ADGRL2: variants seen among roughly 807,000 people sequenced by gnomAD.
ADGRL2 encodes the protein calcium-independent alpha-latrotoxin receptor 2.
Under a neutral mutation model 157.4 loss-of-function variants are expected in ADGRL2, and 44 were observed. That is an observed-to-expected ratio of 0.28 (90% confidence interval 0.22 to 0.36). The LOEUF (loss-of-function observed/expected upper bound fraction) is 0.36. ADGRL2 is among the 10% of genes least tolerant of loss of function. The pLI, the probability that ADGRL2 is intolerant of heterozygous loss-of-function variation, is 1.00. For missense variants in ADGRL2, 1,510 were observed against 1,768.9 expected, an observed-to-expected ratio of 0.85 and a Z score of 2.63; for synonymous variants, 585 against 624.7, an observed-to-expected ratio of 0.94 and a Z score of 0.95.
At chr1:81,712,761 T>C (rs1051571734) in intron 1 of ADGRL2, among the ~76,000 whole-genome samples, 1 of 145,308 alleles carries the variant, frequency 6.9e-6, no homozygotes, top group Non-Finnish European at 1.5e-5. Flanking sequence ...GCGGATTTTT[T>C]TTTTTTTTTT....
chr1:81,491,682 A>G (rs1376648406), intron 2 of ADGRL2, among the ~76,000 whole-genome samples: 5 of 152,358 alleles, frequency 3.3e-5, no homozygotes, highest in African/African-American at 1.2e-4. Context: ...CAGGGAATAG[A>G]AAAGGTGCTA....
At chr1:81,697,087 G>A (rs1389986770), upstream of ADGRL2, among the ~76,000 whole-genome samples, 3 of 152,118 alleles carry the variant, frequency 2.0e-5, no homozygotes, top group Non-Finnish European at 4.4e-5. Context: ...AGATACTTTA[G>A]AATATGGTTA....
At chr1:81,614,308 G>A (rs1377006744) in intron 3 of ADGRL2, among the ~76,000 whole-genome samples, 2 of 152,186 alleles carry the variant, frequency 1.3e-5, no homozygotes, top group African/African-American at 4.8e-5. Context: ...TGAGACACAT[G>A]TAAATCAATG....
At chr1:81,761,179 G>A (rs2085869236) in intron 1 of ADGRL2, among the ~76,000 whole-genome samples, 1 of 151,776 alleles carries the variant, frequency 6.6e-6, no homozygotes. Context: ...TCTTTCTTGG[G>A]AATAATGATT....
intron 1 of ADGRL2, among the ~76,000 whole-genome samples, chr1:81,348,640 C>A (rs1662654532): frequency 6.6e-6 from 1 of 151,988 alleles, no homozygotes; most frequent in African/African-American, 2.4e-5. Flanking sequence ...ATAAATAGCA[C>A]CACCACCACC....
intron 3 of ADGRL2, among the ~76,000 whole-genome samples, chr1:81,615,228 A>G (rs905741816): frequency 1.3e-5 from 2 of 152,158 alleles, no homozygotes; most frequent in South Asian, 4.1e-4. Flanking sequence ...AAACACACCA[A>G]TCAGCACTCT....
chr1:81,759,093 T>C (rs2085785896), intron 1 of ADGRL2, among the ~76,000 whole-genome samples: 1 of 152,186 alleles, frequency 6.6e-6, no homozygotes, highest in African/African-American at 2.4e-5. Flanking sequence ...ACCTGCACTT[T>C]AAATATAATC....
chr1:81,701,135 A>G (rs2083563543), intron 1 of ADGRL2, among the ~76,000 whole-genome samples: 1 of 152,208 alleles, frequency 6.6e-6, no homozygotes, highest in Non-Finnish European at 1.5e-5. Flanking sequence ...CTTTCTTTAA[A>G]TAATAAGCAC....
chr1:81,893,308 TCAA>T lies in ADGRL2; in HGVS notation c.74-13708_74-13706del, dbSNP rs1557859930. Among the ~76,000 whole-genome samples, 56 of 151,710 alleles carry T rather than the reference TCAA, an allele frequency of 3.7e-4. 1 individual carries two copies. The highest frequency in any genetic ancestry group is 3.4e-3 in the Middle Eastern group (1 of 292). On this transcript the variant is annotated intron_variant, in intron 2 of 23. Transcript: ENST00000686636. The stretch of plus-strand genomic sequence containing the variant: ...AGTATTTGCTTGTTTTTGTGACTTA[TCAA>T]TCCTGTCTTGTATTTTTCTTTTTTT...
At chr1:81,490,733 G>T (rs58474362) in intron 2 of ADGRL2, among the ~76,000 whole-genome samples, 22,258 of 152,182 alleles carry the variant, frequency 0.15, 3,018 homozygotes, top group African/African-American at 0.36. Context: ...ATTTTGGAAG[G>T]CGTCTTGGCA....
chr1:81,725,203 CAAA>C (rs71592739), intron 1 of ADGRL2, among the ~76,000 whole-genome samples: 9 of 77,298 alleles, frequency 1.2e-4, no homozygotes, highest in Admixed American at 3.3e-4. Flanking sequence ...GACCCCGTCT[CAAA>C]AAAAAAAAAA....
At chr1:81,903,739 TACACATTATATATATAC>T (rs1557879040) in intron 2 of ADGRL2, among the ~76,000 whole-genome samples, 4 of 143,314 alleles carry the variant, frequency 2.8e-5, no homozygotes, top group African/African-American at 9.9e-5. Flanking sequence ...ACATTATATA[TACACATTATATATATAC>T]ACATTATATA....
chr1:81,909,998 G>T (rs2148377191), intron 3 of ADGRL2, among the ~76,000 whole-genome samples: 1 of 152,174 alleles, frequency 6.6e-6, no homozygotes, highest in Admixed American at 6.5e-5. Context: ...CCAGCACTTT[G>T]CGAGGCCGAG....
intron 2 of ADGRL2, among the ~76,000 whole-genome samples, chr1:81,462,546 A>T (rs1557706943): frequency 6.6e-6 from 1 of 152,002 alleles, no homozygotes; most frequent in Non-Finnish European, 1.5e-5. Flanking sequence ...CTGGTGATTA[A>T]TTTTTTTCCT....
intron 2 of ADGRL2, among the ~76,000 whole-genome samples, chr1:81,530,970 G>A (rs2079583776): frequency 6.6e-6 from 1 of 151,786 alleles, no homozygotes; most frequent in African/African-American, 2.4e-5. Flanking sequence ...TGTAGTCCTA[G>A]CTACTTGGGA....
chr1:81,525,305 A>G (rs1490360448), intron 2 of ADGRL2, among the ~76,000 whole-genome samples: 1 of 151,600 alleles, frequency 6.6e-6, no homozygotes, highest in East Asian at 1.9e-4. Flanking sequence ...AAATGTCAAC[A>G]TGGACATTCC....
chr1:81,850,915 T>G (rs2092982498), intron 2 of ADGRL2, among the ~76,000 whole-genome samples: 1 of 151,950 alleles, frequency 6.6e-6, no homozygotes, highest in Non-Finnish European at 1.5e-5. Context: ...GTATTTTTCA[T>G]AGTGCTTAGG....
chr1:81,637,789 T>G (rs1170106967), intron 3 of ADGRL2, among the ~76,000 whole-genome samples: 3 of 152,298 alleles, frequency 2.0e-5, no homozygotes, highest in African/African-American at 7.2e-5. Flanking sequence ...GTGGCAAGAT[T>G]TAAGAGATTA....
intron 1 of ADGRL2, among the ~76,000 whole-genome samples, chr1:81,348,467 G>C (rs188889475): frequency 4.7e-4 from 71 of 152,242 alleles, no homozygotes; most frequent in African/African-American, 1.7e-3. Context: ...TTCCAGAAAG[G>C]GAGTGGTGAT....
Sources: gnomAD v4.1 joint callset for allele counts (sites outside exome capture counted in the v4.1 genomes callset) on GRCh38, gnomAD v4.1.1 for gene constraint, MANE v1.5 for transcripts, NCBI Gene and HGNC (gene_info 2026-07-23, HGNC 2026-07-21) for gene names.